Variants in CACNB1 observed in about 807,000 individuals in gnomAD.
The protein encoded by CACNB1 is calcium voltage-gated channel auxiliary subunit beta 1, also known as voltage-dependent L-type calcium channel subunit beta-1.
In CACNB1, 29 loss-of-function variants were observed where a neutral mutation model predicts 71.6. The observed-to-expected ratio is 0.40, with a 90% CI of 0.30 to 0.55. The LOEUF (loss-of-function observed/expected upper bound fraction) is 0.55. Among genes scored for constraint, CACNB1 ranks in the 20% least tolerant of loss-of-function variants. CACNB1 has a pLI of 0.38. For synonymous variants in CACNB1, 300 were observed against 319.6 expected, an observed-to-expected ratio of 0.94 and a Z score of 0.65; for missense variants, 623 against 801.8, an observed-to-expected ratio of 0.78 and a Z score of 2.69.
Position 39,186,675 on chromosome 17 carries a change from G to T in CACNB1, c.552-103C>A, listed in dbSNP as rs908680049. On this transcript the variant is annotated intron_variant, in intron 5 of 13. Coordinates refer to ENST00000394303, the MANE Select transcript of CACNB1 (RefSeq NM_000723.5). The surrounding 1 kb of genome is among the most constrained non-coding windows in gnomAD (Gnocchi z 4.1). ...CCCCGGAGGTGCTCCAGCCCCACTG[G>T]TGATGCCACAGGCAGCTCTGTGCCC... 3 of 1,522,284 alleles carry T rather than the reference G, an allele frequency of 2.0e-6. No homozygotes were observed. The highest frequency in any genetic ancestry group is 2.7e-6 in the Non-Finnish European group (3 of 1,105,672). 94.3% of individuals were successfully genotyped at this position (1,522,284 alleles called of 1,614,324 possible).
At chr17:39,184,229 T>G in intron 9 of CACNB1, 89 bp from the exon 10 acceptor site, 1 of 1,281,808 alleles carries the variant, frequency 7.8e-7, no homozygotes, top group Non-Finnish European at 1.1e-6. Context: ...CTTCTGTTCC[T>G]CAGTCCGAGT....
Position 39,186,857 on chromosome 17 carries a change from C to T in CACNB1, c.487G>A (p.Val163Ile), listed in dbSNP as rs376875145. ...AGCAGGCGAAGGCTGTCCAGTTTGA[C>T]GGGGCTGGGAATGAAGCCAACCTCA... ...GCEVGFIPSP[V>I]KLDSLRLLQE... The change falls in exon 5 of 14, where the codon GTC (valine) becomes ATC (isoleucine). Residue 163 changes from valine (V) to isoleucine (I), a missense_variant. Physicochemically the swap from Val to Ile is conservative, Grantham distance 29. Coordinates refer to ENST00000394303, the MANE Select transcript of CACNB1 (RefSeq NM_000723.5). This position sits in a 1 kb window ranked among gnomAD's most constrained non-coding sequence, Gnocchi z 4.1. 97 of 1,614,146 alleles carry T rather than the reference C, an allele frequency of 6.0e-5. 1 individual carries two copies. The South Asian group carries it at 6.8e-4, about 11-fold the overall frequency.
chr17:39,189,024 CAA>C (rs937210768), intron 3 of CACNB1, among the ~76,000 whole-genome samples: 7 of 150,634 alleles, frequency 4.6e-5, no homozygotes, highest in African/African-American at 1.7e-4. Flanking sequence ...GCCCGGGCAA[CAA>C]GAGCGAAACT....
chr17:39,185,937 C>G (rs1395672862), intron 6 of CACNB1: 1 of 1,608,942 alleles, frequency 6.2e-7, no homozygotes, highest in South Asian at 1.1e-5. Context: ...TGCAAGAACA[C>G]AGCGAGAATT....
At chr17:39,191,081 A>G (rs530610866) in intron 3 of CACNB1, among the ~76,000 whole-genome samples, 318 of 152,130 alleles carry the variant, frequency 2.1e-3, no homozygotes, top group Admixed American at 3.9e-3. Flanking sequence ...GCCAGAGCCT[A>G]TAGTCCCGGC....
chr17:39,179,428 A>G (rs1333351846), intron 11 of CACNB1, among the ~76,000 whole-genome samples: 3 of 151,896 alleles, frequency 2.0e-5, no homozygotes, highest in Non-Finnish European at 4.4e-5. Context: ...CTCTACTAAA[A>G]AAATTAGCCG....
intron 2 of CACNB1, chr17:39,193,721 C>G (rs906112116): frequency 1.3e-5 from 3 of 227,688 alleles, no homozygotes; most frequent in African/African-American, 7.2e-5. Flanking sequence ...TTGGCAAACA[C>G]TGAAGGAGCC....
At position 39,197,528 on chromosome 17, in the gene CACNB1, G is replaced by A. The variant is rs565607348; in HGVS notation, c.-33C>T. 7 of 1,457,888 alleles carry A rather than the reference G, an allele frequency of 4.8e-6. No individual in the cohort carries two copies. The highest frequency in any genetic ancestry group is 6.4e-6 in the Non-Finnish European group (7 of 1,095,144). The allele number at this position is 1,457,888 out of a possible 1,614,324, so 90.3% of individuals were successfully genotyped here. On this transcript the variant is annotated 5_prime_UTR_variant, in exon 1 of 14. Transcript: ENST00000394303. ...AGCCTCCCCTCCCGCCGCCGGCCCG[G>A]CCCAGCCGGGCTCCCTCAGCGCATG...
intron 6 of CACNB1, 50 bp from the exon 7 acceptor site, chr17:39,185,200 G>C (rs770374501): frequency 1.3e-6 from 2 of 1,484,308 alleles, no homozygotes; most frequent in Non-Finnish European, 9.4e-7. Flanking sequence ...AGAGGGAAGG[G>C]GACCCAGGCA....
chr17:39,187,869 CA>C (rs2045978957), intron 3 of CACNB1, among the ~76,000 whole-genome samples: 1 of 151,784 alleles, frequency 6.6e-6, no homozygotes, highest in African/African-American at 2.4e-5. Context: ...CAAAATTAGC[CA>C]GGCGTGGTGG....
intron 1 of CACNB1, among the ~76,000 whole-genome samples, chr17:39,196,403 G>T (rs1264575227): frequency 2.6e-5 from 4 of 152,134 alleles, no homozygotes; most frequent in Non-Finnish European, 4.4e-5. Flanking sequence ...TGAAAGGAAG[G>T]CCCCAGTCAG....
At chr17:39,185,666 C>G (rs999126380) in intron 6 of CACNB1, among the ~76,000 whole-genome samples, 1 of 152,058 alleles carries the variant, frequency 6.6e-6, no homozygotes, top group African/African-American at 2.4e-5. Flanking sequence ...GAGCAGGCCC[C>G]TGGGAGTGAG....
intron 1 of CACNB1, among the ~76,000 whole-genome samples, chr17:39,196,120 A>G (rs2046196428): frequency 6.6e-6 from 1 of 152,136 alleles, no homozygotes; most frequent in South Asian, 2.1e-4. Flanking sequence ...TCTTTGGCCA[A>G]AGAACCTGGA....
intron 3 of CACNB1, among the ~76,000 whole-genome samples, chr17:39,187,977 C>A (rs1255621772): frequency 6.6e-6 from 1 of 151,948 alleles, no homozygotes; most frequent in Non-Finnish European, 1.5e-5. Context: ...TGTGTCACTG[C>A]ACTCAAGCCT....
At chr17:39,177,625 C>A in intron 12 of CACNB1, 90 bp from the exon 13 acceptor site, 1 of 1,027,500 alleles carries the variant, frequency 9.7e-7, no homozygotes, top group Non-Finnish European at 1.4e-6. Context: ...TGGGTAGAGT[C>A]AAGGGATTGA....
At position 39,186,873 on chromosome 17, in the gene CACNB1, G is replaced by T; in HGVS notation, c.471C>A (p.Gly157=). ...GRLVKEGCEV[G]FIPSPVKLDS... ...CCAGTTTGACGGGGCTGGGAATGAAGCCAACCTCACAGCCCTCCTTCACCA... is the reference window on the plus strand; with the variant it reads ...CCAGTTTGACGGGGCTGGGAATGAATCCAACCTCACAGCCCTCCTTCACCA... Residue 157 remains glycine (G), a synonymous_variant, in exon 5 of 14, where the codon GGC becomes GGA. Coordinates refer to ENST00000394303, the MANE Select transcript of CACNB1 (RefSeq NM_000723.5). The surrounding 1 kb of genome is among the most constrained non-coding windows in gnomAD (Gnocchi z 4.1). 1.3e-5 allele frequency: 21 copies of T among 1,614,118 alleles called. No homozygotes were observed. Among genetic ancestry groups the T allele is most frequent in the Non-Finnish European group, 1.8e-5 (21 of 1,179,966 alleles).
rs72556380 is a variant in CACNB1, at chr17:39,177,429, G to A, written c.1253C>T (p.Thr418Met). Residue 418 changes from threonine (T) to methionine (M), a missense_variant, in exon 13 of 14, where the codon ACG (threonine) becomes ATG (methionine). Coordinates refer to ENST00000394303, the MANE Select transcript of CACNB1 (RefSeq NM_000723.5). ...GCGGTTCAGCAGCGGATTGGGTGGC[G>A]TGCTGCTGGGCGGGTGTGTGGCCTT... is the stretch of plus-strand genomic sequence containing the variant. ...YWKATHPPSS[T>M]PPNPLLNRTM... The A allele has an allele frequency of 6.2e-7, 1 of 1,613,876 alleles. No homozygotes were observed. The highest frequency in any genetic ancestry group is 8.5e-7 in the Non-Finnish European group (1 of 1,179,904).
At chr17:39,176,566 G>A (rs1230463437) in intron 13 of CACNB1, among the ~76,000 whole-genome samples, 1 of 152,198 alleles carries the variant, frequency 6.6e-6, no homozygotes, top group Admixed American at 6.5e-5. Context: ...GCAGAGCAAG[G>A]ATGCATTATC....
At position 39,175,666 on chromosome 17, in the gene CACNB1, C is replaced by T. The variant is rs1363908815; in HGVS notation, c.1333-9G>A. ...GAAGCAAGGTAGGGTCCCTGGTTAG[C>T]AGACGGACAGCACACACCATGCAGA... On this transcript the variant is annotated splice_polypyrimidine_tract_variant and intron_variant, in intron 13 of 13. Transcript: ENST00000394303. This position sits in a 1 kb window ranked among gnomAD's most constrained non-coding sequence, Gnocchi z 4.7. 1.3e-6 allele frequency: 2 copies of T among 1,545,766 alleles called. No individual in the cohort carries two copies. Among genetic ancestry groups the T allele is most frequent in the Non-Finnish European group, 1.7e-6 (2 of 1,143,986 alleles).
Sources: gnomAD v4.1 joint callset for allele counts (sites outside exome capture counted in the v4.1 genomes callset) on GRCh38, gnomAD v4.1.1 for gene constraint, Gnocchi (gnomAD v3.1) non-coding constraint, MANE v1.5 for transcripts, NCBI Gene and HGNC (gene_info 2026-07-23, HGNC 2026-07-21) for gene names.